Variants in SHC3 observed in about 807,000 individuals in gnomAD.
The protein encoded by SHC3 is SHC adaptor protein 3, also known as SHC-transforming protein 3.
In SHC3, 15 loss-of-function variants were observed where a neutral mutation model predicts 60.4. The ratio of observed to expected loss-of-function variants is 0.25; its 90% CI spans 0.17 to 0.38. The LOEUF is 0.38. Among genes scored for constraint, SHC3 ranks in the 10% least tolerant of loss-of-function variants. The pLI is 1.00. For missense variants in SHC3, 677 were observed against 786.1 expected (o/e 0.86, Z 1.66); for synonymous variants, 294 against 325.9 (o/e 0.90, Z 1.05).
At chr9:89,110,250 G>GT in intron 2 of SHC3, 1 of 985,352 alleles carries the variant, frequency 1.0e-6, no homozygotes, top group Non-Finnish European at 1.2e-6. Flanking sequence ...AAGCCCAGCC[G>GT]TAGGGGCAAA....
chr9:89,100,237 C>A (rs1825763276), intron 2 of SHC3, among the ~76,000 whole-genome samples: 1 of 152,078 alleles, frequency 6.6e-6, no homozygotes, highest in Non-Finnish European at 1.5e-5. Flanking sequence ...GGCCAGGCAG[C>A]AGTCATGAGG....
intron 2 of SHC3, among the ~76,000 whole-genome samples, chr9:89,104,169 T>C (rs190724095): frequency 2.0e-5 from 3 of 150,276 alleles, no homozygotes; most frequent in South Asian, 2.1e-4. Flanking sequence ...GTGGGATCAA[T>C]TGAAAAAAAA....
intron 4 of SHC3, among the ~76,000 whole-genome samples, chr9:89,074,385 C>T (rs958279095): frequency 2.0e-5 from 3 of 152,158 alleles, no homozygotes; most frequent in African/African-American, 7.2e-5. Flanking sequence ...ACTGCTCAAG[C>T]ATTTCACCTC....
chr9:89,076,969 G>A (rs755697304), intron 3 of SHC3, among the ~76,000 whole-genome samples: 8 of 151,994 alleles, frequency 5.3e-5, no homozygotes, highest in Non-Finnish European at 1.2e-4. Flanking sequence ...ACGAGGTCAA[G>A]AGGTCGAGAC....
rs559724671 is a variant in SHC3 at position 89,178,659 on chromosome 9, C to G, written c.-199G>C. 4.4e-6 allele frequency: 2 copies of G among 451,228 alleles called. No homozygotes were observed. The highest frequency in any genetic ancestry group is 4.4e-5 in the Admixed American group (1 of 22,736). 28.0% of individuals were successfully genotyped at this position (451,228 alleles called of 1,614,324 possible). On this transcript the variant is annotated 5_prime_UTR_variant, in exon 1 of 12. Transcript: ENST00000375835. The surrounding 1 kb of genome is among the most constrained non-coding windows in gnomAD (Gnocchi z 6.9). ...AAAAGCCAGCACAGCGGCGGCCGCG[C>G]AGCCCCGGCCCGGGAGACCGCTGCT... is the stretch of plus-strand genomic sequence containing the variant.
At chr9:89,086,988 A>G (rs771742482) in intron 2 of SHC3, among the ~76,000 whole-genome samples, 1 of 152,152 alleles carries the variant, frequency 6.6e-6, no homozygotes, top group Non-Finnish European at 1.5e-5. Context: ...ACACATACAT[A>G]CGTGGCCCAT....
chr9:89,015,011 G>A (rs187941173), intron 11 of SHC3, among the ~76,000 whole-genome samples: 100 of 152,322 alleles, frequency 6.6e-4, no homozygotes, highest in African/African-American at 2.4e-3. Flanking sequence ...CAGGACCAGA[G>A]GGTCTCCTGA....
intron 1 of SHC3, among the ~76,000 whole-genome samples, chr9:89,163,209 G>A (rs1415266418): frequency 1.3e-5 from 2 of 151,552 alleles, no homozygotes; most frequent in Non-Finnish European, 3.0e-5. Flanking sequence ...ATCTAGAACT[G>A]GAAATACCAT....
chr9:89,176,207 CT>C (rs150652926), intron 1 of SHC3, among the ~76,000 whole-genome samples: 1 of 152,300 alleles, frequency 6.6e-6, no homozygotes, highest in East Asian at 1.9e-4. Context: ...AGATCCAGCC[CT>C]TTGACTATGA....
At chr9:89,048,037 A>T (rs1346491989) in intron 7 of SHC3, among the ~76,000 whole-genome samples, 1 of 152,160 alleles carries the variant, frequency 6.6e-6, no homozygotes, top group Non-Finnish European at 1.5e-5. Context: ...TGAGGTCAGG[A>T]GTTCAAGACC....
chr9:89,040,348 T>C (rs1230379852), intron 10 of SHC3, among the ~76,000 whole-genome samples: 1 of 151,368 alleles, frequency 6.6e-6, no homozygotes, highest in Non-Finnish European at 1.5e-5. Flanking sequence ...CACAGAGTGC[T>C]GGCTTTATTT....
At chr9:89,084,491 A>G (rs1825496128) in intron 2 of SHC3, among the ~76,000 whole-genome samples, 1 of 152,250 alleles carries the variant, frequency 6.6e-6, no homozygotes, top group Admixed American at 6.5e-5. Context: ...GTAAAGCCCA[A>G]CAGAGACAAA....
intron 2 of SHC3, among the ~76,000 whole-genome samples, chr9:89,102,656 C>T (rs1405922910): frequency 6.6e-6 from 1 of 152,100 alleles, no homozygotes; most frequent in Non-Finnish European, 1.5e-5. Context: ...AGTATGTCCC[C>T]ACTTAATGTC....
chr9:89,027,907 G>A (rs933137875), intron 11 of SHC3, among the ~76,000 whole-genome samples: 1 of 152,220 alleles, frequency 6.6e-6, no homozygotes, highest in Non-Finnish European at 1.5e-5. Flanking sequence ...GCTGCAGAAA[G>A]ACCACTCCTC....
chr9:89,043,440 T>G (rs1824720154), intron 9 of SHC3, among the ~76,000 whole-genome samples: 1 of 152,192 alleles, frequency 6.6e-6, no homozygotes, highest in African/African-American at 2.4e-5. Context: ...GAAAAGAATT[T>G]CATTAAAAAA....
intron 1 of SHC3, among the ~76,000 whole-genome samples, chr9:89,149,424 A>G (rs1057197138): frequency 2.0e-5 from 3 of 152,126 alleles, no homozygotes; most frequent in Non-Finnish European, 2.9e-5. Context: ...CATCCTTTTC[A>G]CTTAATCTAG....
chr9:89,164,007 T>A (rs1167833954), intron 1 of SHC3, among the ~76,000 whole-genome samples: 2 of 152,038 alleles, frequency 1.3e-5, no homozygotes, highest in African/African-American at 2.4e-5. Flanking sequence ...CCTAATCACC[T>A]CCCAAAGGCC....
At chr9:89,169,325 C>T (rs1338882891) in intron 1 of SHC3, among the ~76,000 whole-genome samples, 1 of 152,138 alleles carries the variant, frequency 6.6e-6, no homozygotes, top group Admixed American at 6.5e-5. Context: ...AGAGTCAAAT[C>T]CAGGACGTCT....
rs3812501 is a variant in SHC3 at position 89,009,482 on chromosome 9, A to G, written c.*3965T>C. 0.41 allele frequency: 63,096 copies of G among 152,116 alleles called. 14,579 individuals are homozygous for G. Among genetic ancestry groups the G allele is most frequent in the East Asian group, 0.82 (4,221 of 5,162 alleles). The allele number at this position is 152,116 out of a possible 1,614,324, so 9.4% of individuals were successfully genotyped here. On this transcript the variant is annotated 3_prime_UTR_variant, in exon 12 of 12. Coordinates refer to ENST00000375835, the MANE Select transcript of SHC3 (RefSeq NM_016848.6). ...AAGTTGGGCCAGCGAGAGAGAACCA[A>G]TGGGCACGCTGGGAATGCACAATTT...
Sources: allele counts gnomAD v4.1 joint callset (sites outside exome capture counted in the v4.1 genomes callset), GRCh38; gene constraint gnomAD v4.1.1; non-coding constraint Gnocchi (gnomAD v3.1); transcripts MANE v1.5; gene names NCBI Gene and HGNC (gene_info 2026-07-23, HGNC 2026-07-21).